Variants in MYL1 observed in about 807,000 individuals in gnomAD.
MYL1 encodes myosin light chain 1/3, skeletal muscle isoform.
MYL1 carries 16 observed loss-of-function variants against 21.8 expected under a neutral mutation model. That is an observed-to-expected ratio of 0.74 (90% CI 0.50 to 1.12). MYL1 has a LOEUF of 1.12. Ranked by LOEUF, MYL1 falls within the 50% of genes most tolerant of loss-of-function variation. MYL1 has a pLI of 0.00. For synonymous variants in MYL1, 99 were observed against 85.2 expected, an observed-to-expected ratio of 1.16 and a Z score of -0.89; for missense variants, 246 against 241.0, an observed-to-expected ratio of 1.02 and a Z score of -0.14.
At chr2:210,296,348 T>A (rs1394934483) in intron 3 of MYL1, among the ~76,000 whole-genome samples, 1 of 152,216 alleles carries the variant, frequency 6.6e-6, no homozygotes, top group Non-Finnish European at 1.5e-5. Context: ...GCTAGTATAG[T>A]CATCCTATAG....
At chr2:210,308,839 T>C (rs933280779) in intron 1 of MYL1, among the ~76,000 whole-genome samples, 2 of 143,052 alleles carry the variant, frequency 1.4e-5, no homozygotes, top group Non-Finnish European at 3.0e-5. Context: ...TTGCATGTAA[T>C]TTCTTAAAAA....
In MYL1 at chr2:210,293,730, G is replaced by A. The variant is rs1690120758; in HGVS notation, c.549C>T (p.Asn183=). 6.2e-7 allele frequency: 1 copy of A among 1,613,758 alleles called. No individual in the cohort carries two copies. Among genetic ancestry groups the A allele is most frequent in the African/African-American group, 1.3e-5 (1 of 74,920 alleles). ...AGQEDSNGCI[N]YEAFVKHIMS... The stretch of plus-strand genomic sequence containing the variant: ...AGTGAGCATTGATTCTACCTTCGTA[G>A]TTGATGCAGCCATTGGAGTCTTCTT... Residue 183 remains asparagine, a synonymous_variant, in exon 5 of 7, where the codon AAC becomes AAT. Transcript: ENST00000352451.
At chr2:210,308,960 G>A (rs1264762360) in intron 1 of MYL1, among the ~76,000 whole-genome samples, 3 of 152,158 alleles carry the variant, frequency 2.0e-5, no homozygotes, top group Admixed American at 6.6e-5. Context: ...TTTTGTGACC[G>A]CAGGGATAAG....
intron 3 of MYL1, among the ~76,000 whole-genome samples, chr2:210,297,887 T>C (rs1382017324): frequency 6.6e-6 from 1 of 151,920 alleles, no homozygotes; most frequent in East Asian, 2.0e-4. Context: ...AAAGTTGCAA[T>C]TTCATTTCCA....
chr2:210,302,684 T>TAAC, intron 1 of MYL1, 169 bp from the exon 2 acceptor site: 2 of 1,523,372 alleles, frequency 1.3e-6, no homozygotes, highest in Non-Finnish European at 1.8e-6. Flanking sequence ...AGCCATAGTG[T>TAAC]AACATGCCTT....
rs1436261970 is a variant in MYL1, at chr2:210,298,543, G to C, written c.181C>G (p.Leu61Val). The C allele has an allele frequency of 1.2e-6, 2 of 1,613,906 alleles. No individual in the cohort carries two copies. Residue 61 changes from leucine to valine, a missense_variant, in exon 3 of 7, where the codon CTG becomes GTG. Transcript: ENST00000352451. Reference protein sequence around the residue: ...QQDEFKEAFLLFDRTGDSKIT... With the variant: ...QQDEFKEAFLVFDRTGDSKIT... ...TTGGAATCACCTGTTCTGTCAAACA[G>C]GAGAAATGCCTCCTTGAATTCTGCA...
rs931858502 is a variant in MYL1, at chr2:210,290,282, CTTTG to C, written c.*196_*199del. ...TTCTTCTCATCTAGAGCAGCAGACA[CTTTG>C]TTTGTGTGGTATGAATTCAATTCAG... On this transcript the variant is annotated 3_prime_UTR_variant, in exon 7 of 7. Coordinates refer to ENST00000352451, the MANE Select transcript of MYL1 (RefSeq NM_079420.3). The C allele has an allele frequency of 3.3e-5, 5 of 152,038 alleles. No homozygotes were observed. The highest frequency in any genetic ancestry group is 1.2e-4 in the African/African-American group (5 of 41,400). The allele number at this position is 152,038 out of a possible 1,614,324, so 9.4% of individuals were successfully genotyped here. A position where few individuals can be genotyped will look rare whatever the true frequency, so the allele number is the denominator to read the frequency against.
intron 4 of MYL1, 150 bp from the exon 5 acceptor site, chr2:210,293,950 A>G: frequency 1.4e-6 from 1 of 725,132 alleles, no homozygotes; most frequent in Non-Finnish European, 2.3e-6. Flanking sequence ...TATATTGTCA[A>G]CTAATTGGTT....
At chr2:210,313,647 AAGATT>A (rs1690448585) in intron 1 of MYL1, among the ~76,000 whole-genome samples, 1 of 152,016 alleles carries the variant, frequency 6.6e-6, no homozygotes. Context: ...CTACAAACTA[AAGATT>A]AAATATTCGT....
intron 2 of MYL1, 55 bp from the exon 3 acceptor site, chr2:210,298,618 A>C: frequency 6.3e-7 from 1 of 1,582,672 alleles, no homozygotes; most frequent in Non-Finnish European, 8.6e-7. Flanking sequence ...CCTATTAATT[A>C]AACCTAACCT....
At chr2:210,303,535 G>C in intron 1 of MYL1, 1 of 1,609,800 alleles carries the variant, frequency 6.2e-7, no homozygotes, top group Non-Finnish European at 8.5e-7. Context: ...TGTCTCATAG[G>C]ACCCACCATG....
intron 1 of MYL1, among the ~76,000 whole-genome samples, chr2:210,311,612 C>T (rs1297976030): frequency 1.3e-5 from 2 of 152,034 alleles, no homozygotes; most frequent in Non-Finnish European, 2.9e-5. Context: ...ACATATAATG[C>T]ATGCATCATG....
chr2:210,303,828 C>G (rs1046907185), intron 1 of MYL1, among the ~76,000 whole-genome samples: 1 of 152,114 alleles, frequency 6.6e-6, no homozygotes, highest in Non-Finnish European at 1.5e-5. Context: ...CCTGCCGGTA[C>G]TTTTATGGTC....
intron 1 of MYL1, among the ~76,000 whole-genome samples, chr2:210,303,336 G>A (rs1690292144): frequency 6.6e-6 from 1 of 152,156 alleles, no homozygotes; most frequent in African/African-American, 2.4e-5. Context: ...GCTCTTGGAA[G>A]ATGTATTTTT....
chr2:210,314,916 T>G lies in MYL1; in HGVS notation c.127A>C (p.Ile43Leu), dbSNP rs1313502989. 1 of 1,613,916 alleles carries G rather than the reference T, an allele frequency of 6.2e-7. No homozygotes were observed. The highest frequency in any genetic ancestry group is 8.5e-7 in the Non-Finnish European group (1 of 1,179,842). ...CAGTTCATCCATTTAGTTACCTTAA[T>G]GGCAGAGAGGTCAATTTTTTCTTCT... ...PKEEKIDLSA[I>L]KIEFSKEQQD... Residue 43 changes from isoleucine to leucine, a missense_variant, in exon 1 of 7, where the codon ATT becomes CTT. Transcript: ENST00000352451.
rs1006019937 is a variant in MYL1, at chr2:210,303,608, C to G, written c.133-1093G>C. The G allele has an allele frequency of 1.9e-6, 3 of 1,595,864 alleles. No individual in the cohort carries two copies. In the African/African-American group the frequency reaches 4.1e-5, roughly 22 times the overall value. On this transcript the variant is annotated intron_variant, in intron 1 of 6. Coordinates refer to ENST00000352451, the MANE Select transcript of MYL1 (RefSeq NM_079420.3). ...AGAGTGAGTTGAGGGCTGCTCCGGT[C>G]CCTGAGTGGGGTCATCCCTGGCTGA...
intron 1 of MYL1, among the ~76,000 whole-genome samples, chr2:210,307,982 T>G (rs1690361230): frequency 6.6e-6 from 1 of 152,022 alleles, no homozygotes; most frequent in Non-Finnish European, 1.5e-5. Flanking sequence ...GAGCTATAAT[T>G]AAAGATAATT....
chr2:210,306,015 G>A (rs556752712), intron 1 of MYL1, among the ~76,000 whole-genome samples: 27 of 151,408 alleles, frequency 1.8e-4, no homozygotes, highest in African/African-American at 5.6e-4. Flanking sequence ...AGCTGAGATC[G>A]TGCCATTGCA....
chr2:210,302,394 T>A (rs1690277288), intron 2 of MYL1, 94 bp downstream of exon 2: 1 of 1,178,130 alleles, frequency 8.5e-7, no homozygotes, highest in Non-Finnish European at 1.2e-6. Flanking sequence ...GTGGGGATAA[T>A]TAGGAAGAGC....
Sources: allele counts gnomAD v4.1 joint callset (sites outside exome capture counted in the v4.1 genomes callset), GRCh38; gene constraint gnomAD v4.1.1; transcripts MANE v1.5; gene names NCBI Gene and HGNC (gene_info 2026-07-23, HGNC 2026-07-21).